The following APOA1 variants were observed in gnomAD, a reference collection of about 807,000 sequenced individuals.
APOA1 encodes apolipoprotein A-I.
A neutral mutation model predicts 25.9 loss-of-function variants in APOA1; 22 were observed. That is an observed-to-expected ratio of 0.85 (90% confidence interval 0.61 to 1.21). APOA1 has a LOEUF of 1.21. APOA1 is among the 50% of genes most tolerant of loss of function. The pLI is 0.00. For missense variants in APOA1, 351 were observed against 347.9 expected, an observed-to-expected ratio of 1.01 and a Z score of -0.07; for synonymous variants, 163 against 152.2, an observed-to-expected ratio of 1.07 and a Z score of -0.52.
rs762475205 is a variant in APOA1 at position 116,835,975 on chromosome 11, G to C, written c.637C>G (p.Leu213Val). The change falls in exon 4 of 4, where the codon CTG (leucine) becomes GTG (valine). Residue 213 changes from leucine (L) to valine (V), a missense_variant. Physicochemically the swap from Leu to Val is conservative, Grantham distance 32. Transcript: ENST00000236850. Reference sequence around the variant, plus strand: ...GTGGCCTTGGCGTGGTACTCGGCCAGTCTGGCGCCGCCGTTCTCCTTGAGA... The same window carrying C: ...GTGGCCTTGGCGTGGTACTCGGCCACTCTGGCGCCGCCGTTCTCCTTGAGA... ...EALKENGGAR[L>V]AEYHAKATEH... The C allele has an allele frequency of 5.0e-6, 8 of 1,610,478 alleles. No individual in the cohort carries two copies. In the East Asian group the frequency reaches 1.6e-4, roughly 31 times the overall value.
rs1470277126 is a variant in APOA1 at position 116,836,076 on chromosome 11, T to TGGGCGCGCGCGC, written c.524_535dup (p.Arg175_Ala178dup). On this transcript the variant is annotated inframe_insertion, in exon 4 of 4. Coordinates refer to ENST00000236850, the MANE Select transcript of APOA1 (RefSeq NM_000039.3). The stretch of plus-strand genomic sequence containing the variant: ...CAGATGCGTGCGCAGCGCGTCCACA[T>TGGGCGCGCGCGC]GGGCGCGCGCGCGGTCGCGCATCTC... 6.2e-7 allele frequency: 1 copy of TGGGCGCGCGCGC among 1,606,020 alleles called. No individual in the cohort carries two copies. Among genetic ancestry groups the TGGGCGCGCGCGC allele is most frequent in the African/African-American group, 1.3e-5 (1 of 74,814 alleles).
intron 3 of APOA1, 71 bp downstream of exon 3, chr11:116,836,930 G>A: frequency 6.4e-7 from 1 of 1,550,424 alleles, no homozygotes; most frequent in Non-Finnish European, 8.9e-7. Context: ...GACTCGGCCA[G>A]TCTGGCTTCA....
chr11:116,837,466 C>T (rs1201348014), intron 1 of APOA1, 59 bp from the exon 2 acceptor site: 2 of 1,501,138 alleles, frequency 1.3e-6, no homozygotes, highest in Non-Finnish European at 1.8e-6. Flanking sequence ...AAGCCCCGTG[C>T]TCCCCCACTC....
chr11:116,837,306 C>G, intron 2 of APOA1, 39 bp downstream of exon 2: 1 of 1,581,024 alleles, frequency 6.3e-7, no homozygotes, highest in Non-Finnish European at 8.6e-7. Context: ...AGGGAGAAAG[C>G]CCCCCGATGG....
At chr11:116,837,215 A>C (rs1941576704) in intron 2 of APOA1, 58 bp from the exon 3 acceptor site, 8 of 1,606,680 alleles carry the variant, frequency 5.0e-6, no homozygotes, top group African/African-American at 1.3e-5. Flanking sequence ...TCTGAGCCGA[A>C]AGGCCAAGCT....
chr11:116,835,757 C>T lies in APOA1; in HGVS notation c.*51G>A. The T allele has an allele frequency of 1.9e-6, 3 of 1,611,880 alleles. No individual in the cohort carries two copies. Among genetic ancestry groups the T allele is most frequent in the East Asian group, 2.2e-5 (1 of 44,864 alleles). On this transcript the variant is annotated 3_prime_UTR_variant, in exon 4 of 4. Coordinates refer to ENST00000236850, the MANE Select transcript of APOA1 (RefSeq NM_000039.3). ...CCCAAAAGAAAGAAGCTGCTTCCCACTTTGGAAACGTTTATTCTGAGCACC... is the reference window on the plus strand; with the variant it reads ...CCCAAAAGAAAGAAGCTGCTTCCCATTTTGGAAACGTTTATTCTGAGCACC...
At chr11:116,836,513 G>A in intron 3 of APOA1, 102 bp from the exon 4 acceptor site, 1 of 1,469,564 alleles carries the variant, frequency 6.8e-7, no homozygotes, top group South Asian at 1.2e-5. Context: ...CAGTGGCCTA[G>A]CATTTCCAGT....
At chr11:116,837,322 T>C (rs1441261171) in intron 2 of APOA1, 23 bp downstream of exon 2, 1 of 1,575,768 alleles carries the variant, frequency 6.3e-7, no homozygotes, top group Non-Finnish European at 8.6e-7. Flanking sequence ...GATGGTTGGC[T>C]CCCTAGGTTA....
rs146623682 is a variant in APOA1, at chr11:116,836,086, C to T, written c.526G>A (p.Ala176Thr). 29 of 1,606,628 alleles carry T rather than the reference C, an allele frequency of 1.8e-5. No homozygotes were observed. The highest frequency in any genetic ancestry group is 2.3e-5 in the Non-Finnish European group (27 of 1,178,348). ...CGCAGCGCGTCCACATGGGCGCGCGCGCGGTCGCGCATCTCCTCGCCCAGT... is the reference window on the plus strand; with the variant it reads ...CGCAGCGCGTCCACATGGGCGCGCGTGCGGTCGCGCATCTCCTCGCCCAGT... The part of the protein sequence containing the change: ...SPLGEEMRDR[A>T]RAHVDALRTH... Residue 176 changes from alanine to threonine, a missense_variant, in exon 4 of 4, where the codon GCG (alanine) becomes ACG (threonine). Physicochemically the swap from Ala to Thr is moderately conservative, Grantham distance 58 (BLOSUM62 0). Transcript: ENST00000236850.
At chr11:116,836,555 G>C (rs1488749080) in intron 3 of APOA1, 144 bp from the exon 4 acceptor site, 2 of 1,162,886 alleles carry the variant, frequency 1.7e-6, no homozygotes, top group East Asian at 5.1e-5. Flanking sequence ...GCCCCGCCAG[G>C]CCATGCCCCG....
chr11:116,835,793 G>T lies in APOA1; in HGVS notation c.*15C>A, dbSNP rs777027692. The T allele has an allele frequency of 6.2e-7, 1 of 1,613,028 alleles. No individual in the cohort carries two copies. Among genetic ancestry groups the T allele is most frequent in the Admixed American group, 1.7e-5 (1 of 60,036 alleles). The stretch of plus-strand genomic sequence containing the variant: ...TTTATTCTGAGCACCGGGAAGGGGG[G>T]CGGCGGCGGGCGCCTCACTGGGTGT... On this transcript the variant is annotated 3_prime_UTR_variant, in exon 4 of 4. Coordinates refer to ENST00000236850, the MANE Select transcript of APOA1 (RefSeq NM_000039.3).
At position 116,837,094 on chromosome 11, in the gene APOA1, T is replaced by G; in HGVS notation, c.107A>C (p.Lys36Thr). 1 of 1,614,124 alleles carries G rather than the reference T, an allele frequency of 6.2e-7. No homozygotes were observed. The highest frequency in any genetic ancestry group is 8.5e-7 in the Non-Finnish European group (1 of 1,180,024). The stretch of plus-strand genomic sequence containing the variant: ...ATCCACGTACACAGTGGCCAGGTCC[T>G]TCACTCGATCCCAGGGGCTCTGGGG... ...EPPQSPWDRV[K>T]DLATVYVDVL... Residue 36 changes from lysine to threonine, a missense_variant, in exon 3 of 4, where the codon AAG (lysine) becomes ACG (threonine). Physicochemically the swap from Lys to Thr is moderately conservative, Grantham distance 78. Coordinates refer to ENST00000236850, the MANE Select transcript of APOA1 (RefSeq NM_000039.3).
rs199729971 is a variant in APOA1, at chr11:116,837,398, C to T, written c.-11G>A. 128 of 1,556,338 alleles carry T rather than the reference C, an allele frequency of 8.2e-5. No individual in the cohort carries two copies. The highest frequency in any genetic ancestry group is 1.0e-4 in the Non-Finnish European group (120 of 1,149,526). ...CACCGCAGCTTTCATCCTGAAGGGC[C>T]GTGGGGGACCTGGAGGAGAAGAAGG... On this transcript the variant is annotated 5_prime_UTR_variant, in exon 2 of 4. Coordinates refer to ENST00000236850, the MANE Select transcript of APOA1 (RefSeq NM_000039.3).
intron 1 of APOA1, 21 bp downstream of exon 1, chr11:116,837,583 CG>C (rs1565340003): frequency 1.5e-6 from 1 of 652,326 alleles, no homozygotes. Flanking sequence ...CCAGAGTGAC[CG>C]GGGCAGGCAG....
At chr11:116,836,521 A>G in intron 3 of APOA1, 110 bp from the exon 4 acceptor site, 2 of 1,425,174 alleles carry the variant, frequency 1.4e-6, no homozygotes, top group South Asian at 2.4e-5. Context: ...TAGCATTTCC[A>G]GTACACTCTC....
chr11:116,837,285 C>T, intron 2 of APOA1, 60 bp downstream of exon 2: 2 of 1,592,072 alleles, frequency 1.3e-6, no homozygotes. Context: ...GAGGGTGGGC[C>T]ACGGGGATTT....
chr11:116,836,201 C>T lies in APOA1; in HGVS notation c.411G>A (p.Glu137=), dbSNP rs991987814. ...DFQKKWQEEM[E]LYRQKVEPLR... The stretch of plus-strand genomic sequence containing the variant: ...GCGGCTCCACCTTCTGGCGGTAGAG[C>T]TCCATCTCCTCCTGCCACTTCTTCT... Residue 137 remains glutamate (E), a synonymous_variant, in exon 4 of 4, where the codon GAG becomes GAA. Transcript: ENST00000236850. 5 of 1,613,710 alleles carry T rather than the reference C, an allele frequency of 3.1e-6. No individual in the cohort carries two copies. The Admixed American group carries it at 5.0e-5, about 16-fold the overall frequency.
chr11:116,837,208 G>A (rs767456319), intron 2 of APOA1, 51 bp from the exon 3 acceptor site: 4 of 1,607,818 alleles, frequency 2.5e-6, no homozygotes, highest in Admixed American at 1.7e-5. Flanking sequence ...GCTGAGATCT[G>A]AGCCGAAAGG....
intron 3 of APOA1, 86 bp downstream of exon 3, chr11:116,836,915 G>T: frequency 7.0e-7 from 1 of 1,436,574 alleles, no homozygotes; most frequent in Non-Finnish European, 9.7e-7. Context: ...CAGATATTAG[G>T]TGAGGACTCG....
Sources: allele counts gnomAD v4.1 joint callset, GRCh38; gene constraint gnomAD v4.1.1; transcripts MANE v1.5; gene names NCBI Gene and HGNC (gene_info 2026-07-23, HGNC 2026-07-21).